The following CLTCL1 variants were observed in gnomAD, a reference collection of about 807,000 sequenced individuals.
CLTCL1 encodes clathrin heavy chain 2.
A neutral mutation model predicts 190.0 loss-of-function variants in CLTCL1; 159 were observed. That is an observed-to-expected ratio of 0.84 (90% CI 0.74 to 0.95). The LOEUF (loss-of-function observed/expected upper bound fraction) is 0.95, where lower values mean the gene tolerates loss of function less well. Ranked by LOEUF, CLTCL1 falls within the 40% of genes least tolerant of loss-of-function variation. The pLI is 0.00. For synonymous variants in CLTCL1, 752 were observed against 769.6 expected (o/e 0.98, Z 0.38); for missense variants, 1,878 against 2,033.4 (o/e 0.92, Z 1.47).
At position 19,229,874 on chromosome 22, in the gene CLTCL1, T is replaced by C. The variant is rs1555957941; in HGVS notation, c.1746A>G (p.Thr582=). 6.2e-7 allele frequency: 1 copy of C among 1,611,792 alleles called. No individual in the cohort carries two copies. Among genetic ancestry groups the C allele is most frequent in the Non-Finnish European group, 8.5e-7 (1 of 1,179,110 alleles). ...GAACAAGGTTCATCTCCAACAGCCA[T>C]GTCTGCAGGAGTCCCTCAGCTGGGC... The part of the protein sequence containing the change: ...NNRPAEGLLQ[T]WLLEMNLVHA... Residue 582 remains threonine, a synonymous_variant, in exon 11 of 33, where the codon ACA becomes ACG. Coordinates refer to ENST00000427926, the MANE Select transcript of CLTCL1 (RefSeq NM_007098.4).
intron 1 of CLTCL1, 148 bp downstream of exon 1, chr22:19,291,452 C>T (rs2088119353): frequency 1.4e-6 from 1 of 738,756 alleles, no homozygotes; most frequent in Non-Finnish European, 1.8e-6. Context: ...CCCGGGACGC[C>T]GCAGCCCCAG....
At position 19,183,608 on chromosome 22, in the gene CLTCL1, C is replaced by A; in HGVS notation, c.4609G>T (p.Ala1537Ser). ...LCKKDHLYKDAMQHAAESRDA... is the reference protein window; with the variant it reads ...LCKKDHLYKDSMQHAAESRDA... ...CGCGACTCTGCAGCATGCTGCATGG[C>A]ATCCTGCAGCCAAGGCAAATGCTTG... The change falls in exon 30 of 33, where the codon GCC becomes TCC. Residue 1537 changes from alanine (A) to serine (S), a missense_variant. Coordinates refer to ENST00000427926, the MANE Select transcript of CLTCL1 (RefSeq NM_007098.4). The A allele has an allele frequency of 1.2e-6, 2 of 1,613,350 alleles. No homozygotes were observed. The highest frequency in any genetic ancestry group is 2.2e-5 in the South Asian group (2 of 91,074).
rs781816555 is a variant in CLTCL1 at position 19,216,085 on chromosome 22, C to T, written c.3065+26G>A. 6.0e-5 allele frequency: 96 copies of T among 1,609,716 alleles called. No homozygotes were observed. The South Asian group carries it at 9.5e-4, about 16-fold the overall frequency. On this transcript the variant is annotated intron_variant, in intron 19 of 32. Transcript: ENST00000427926. The stretch of plus-strand genomic sequence containing the variant: ...CAGATGTTTTGAATCTGCCTGTGTC[C>T]ACAGCTACCCCTGGCATAGCCTCAC...
chr22:19,233,757 C>A, intron 7 of CLTCL1, 135 bp from the exon 8 acceptor site: 1 of 724,796 alleles, frequency 1.4e-6, no homozygotes, highest in Non-Finnish European at 2.3e-6. Flanking sequence ...AAGTCCTCTA[C>A]CAAGGCAACT....
At chr22:19,274,543 T>C (rs1466637528) in intron 2 of CLTCL1, among the ~76,000 whole-genome samples, 2 of 152,110 alleles carry the variant, frequency 1.3e-5, no homozygotes, top group African/African-American at 4.8e-5. Context: ...AGAACAAAGA[T>C]CCTTTCAAAT....
At chr22:19,225,697 A>C in intron 12 of CLTCL1, 64 bp from the exon 13 acceptor site, 1 of 1,386,976 alleles carries the variant, frequency 7.2e-7, no homozygotes, top group South Asian at 1.4e-5. Context: ...ACACTTGGAA[A>C]ATAACTAGGT....
intron 26 of CLTCL1, among the ~76,000 whole-genome samples, chr22:19,192,455 G>A (rs1417961326): frequency 1.3e-5 from 2 of 152,202 alleles, no homozygotes; most frequent in African/African-American, 4.8e-5. Context: ...AGCCAGATGG[G>A]CATGAACCAA....
At chr22:19,286,284 C>G (rs1555990092) in intron 1 of CLTCL1, among the ~76,000 whole-genome samples, 1 of 152,186 alleles carries the variant, frequency 6.6e-6, no homozygotes, top group African/African-American at 2.4e-5. Context: ...GGCTCACCCT[C>G]GCAGACACCC....
intron 4 of CLTCL1, among the ~76,000 whole-genome samples, chr22:19,240,060 TGCCTCA>T (rs2086204070): frequency 6.6e-6 from 1 of 151,650 alleles, no homozygotes; most frequent in Admixed American, 6.6e-5. Flanking sequence ...GCGATTCTCG[TGCCTCA>T]GCCTCCCAAG....
chr22:19,280,315 G>A (rs2087660409), intron 1 of CLTCL1, among the ~76,000 whole-genome samples: 2 of 151,556 alleles, frequency 1.3e-5, no homozygotes, highest in East Asian at 1.9e-4. Context: ...ACAAGATACT[G>A]GATGATACTG....
chr22:19,236,485 A>G (rs1555962300), intron 5 of CLTCL1, among the ~76,000 whole-genome samples: 1 of 152,192 alleles, frequency 6.6e-6, no homozygotes, highest in Non-Finnish European at 1.5e-5. Context: ...TTTAACACAC[A>G]AGAAAACCTG....
chr22:19,207,991 TG>T, intron 22 of CLTCL1, 162 bp downstream of exon 22: 1 of 732,926 alleles, frequency 1.4e-6, no homozygotes, highest in South Asian at 1.5e-5. Flanking sequence ...ATAAATGTAA[TG>T]CACTTGAATC....
chr22:19,217,540 C>T lies in CLTCL1; in HGVS notation c.2920-1284G>A, dbSNP rs1341108950. ...CTGAGGCAGAAGAATGGCGGGAACCCGGAAGGCGGAGCTTGCAGTGAGCCG... is the reference window on the plus strand; with the variant it reads ...CTGAGGCAGAAGAATGGCGGGAACCTGGAAGGCGGAGCTTGCAGTGAGCCG... On this transcript the variant is annotated intron_variant, in intron 18 of 32. Transcript: ENST00000427926. Among the ~76,000 whole-genome samples, 5 of 139,220 alleles carry T rather than the reference C, an allele frequency of 3.6e-5. No homozygotes were observed. In the East Asian group the frequency reaches 1.1e-3, roughly 31 times the overall value. The allele number at this position is 139,220 out of a possible 152,430, so 91.3% of individuals were successfully genotyped here. A position where few individuals can be genotyped will look rare whatever the true frequency, so the allele number is the denominator to read the frequency against.
intron 4 of CLTCL1, among the ~76,000 whole-genome samples, chr22:19,240,575 G>A (rs2086222576): frequency 6.6e-6 from 1 of 152,180 alleles, no homozygotes; most frequent in Non-Finnish European, 1.5e-5. Flanking sequence ...GAAAAGTCTT[G>A]CACTGGGAGC....
At chr22:19,226,428 A>G in intron 11 of CLTCL1, 45 bp from the exon 12 acceptor site, 11 of 1,608,750 alleles carry the variant, frequency 6.8e-6, no homozygotes, top group Non-Finnish European at 8.5e-6. Context: ...CAATGGCAAT[A>G]ACTTTTTAAG....
intron 3 of CLTCL1, among the ~76,000 whole-genome samples, chr22:19,252,936 C>G (rs2086639304): frequency 1.3e-5 from 2 of 151,200 alleles, no homozygotes; most frequent in Admixed American, 1.3e-4. Flanking sequence ...ATGGCATGAA[C>G]CCAGGAGGCA....
chr22:19,201,721 G>A (rs898586642), intron 22 of CLTCL1, among the ~76,000 whole-genome samples: 2 of 152,012 alleles, frequency 1.3e-5, no homozygotes, highest in Non-Finnish European at 2.9e-5. Flanking sequence ...CTAACCCTGC[G>A]TTCTGGCACC....
chr22:19,280,113 T>A (rs954885068), intron 1 of CLTCL1, among the ~76,000 whole-genome samples: 6 of 152,314 alleles, frequency 3.9e-5, no homozygotes, highest in Middle Eastern at 3.4e-3. Context: ...CTTAACAGAT[T>A]TGAAAGGACT....
At chr22:19,183,225 C>T in intron 30 of CLTCL1, 165 bp downstream of exon 30, 3 of 622,516 alleles carry the variant, frequency 4.8e-6, no homozygotes, top group Non-Finnish European at 8.5e-6. Context: ...CAGAAAACCA[C>T]TTCAGCATGA....
Sources: gnomAD v4.1 joint callset for allele counts (sites outside exome capture counted in the v4.1 genomes callset) on GRCh38, gnomAD v4.1.1 for gene constraint, MANE v1.5 for transcripts, NCBI Gene and HGNC (gene_info 2026-07-23, HGNC 2026-07-21) for gene names.